Variants in CDKN2B-AS1 observed in about 807,000 individuals in gnomAD.
CDKN2B-AS1 encodes the protein CDKN2B antisense RNA 1 (non-protein coding).
intron 4 of CDKN2B-AS1, among the ~76,000 whole-genome samples, chr9:22,063,178 G>A (rs549439651): frequency 1.3e-5 from 2 of 152,188 alleles, no homozygotes; most frequent in Admixed American, 1.3e-4. Flanking sequence ...AGCTATAGGA[G>A]CAGATGAGGC....
At chr9:22,080,230 T>C (rs1045802923) in intron 4 of CDKN2B-AS1, among the ~76,000 whole-genome samples, 1 of 152,222 alleles carries the variant, frequency 6.6e-6, no homozygotes, top group Admixed American at 6.5e-5. Flanking sequence ...TGTTTGGTAA[T>C]GTTGCAAGAA....
In CDKN2B-AS1 at chr9:22,078,172, A is replaced by G. The variant is rs541004987; in HGVS notation, n.438+21785A>G. ...GTACTTACGATATGACTTGACTAGCATAAGATAGAATAGGGCAGTCATCTT... is the reference window on the plus strand; with the variant it reads ...GTACTTACGATATGACTTGACTAGCGTAAGATAGAATAGGGCAGTCATCTT... On this transcript the variant is annotated intron_variant and non_coding_transcript_variant, in intron 4 of 4. Transcript: ENST00000650946. Among the ~76,000 whole-genome samples the G allele has an allele frequency of 3.9e-5, 6 of 152,332 alleles. No individual in the cohort carries two copies. The South Asian group carries it at 1.0e-3, about 26-fold the overall frequency.
chr9:22,026,851 T>A (rs1822260934), intron 1 of CDKN2B-AS1, among the ~76,000 whole-genome samples: 1 of 152,152 alleles, frequency 6.6e-6, no homozygotes, highest in Admixed American at 6.5e-5. Context: ...TGGAGTGAGT[T>A]CACAAGGGGA....
intron 3 of CDKN2B-AS1, among the ~76,000 whole-genome samples, chr9:22,050,570 AC>A (rs1305882625): frequency 2.0e-5 from 3 of 152,190 alleles, no homozygotes; most frequent in Non-Finnish European, 4.4e-5. Context: ...CCACTTTCAA[AC>A]GGTGGGGATG....
At chr9:22,082,435 A>G (rs1463466435) in intron 4 of CDKN2B-AS1, among the ~76,000 whole-genome samples, 2 of 152,202 alleles carry the variant, frequency 1.3e-5, no homozygotes, top group African/African-American at 4.8e-5. Context: ...GCCCAGTGAC[A>G]TTAGGTAACT....
intron 4 of CDKN2B-AS1, among the ~76,000 whole-genome samples, chr9:22,083,569 C>A (rs755936855): frequency 6.6e-6 from 1 of 152,164 alleles, no homozygotes; most frequent in African/African-American, 2.4e-5. Flanking sequence ...GAATCAGAAT[C>A]TCTGGAATAC....
At chr9:22,083,046 G>T (rs975751392) in intron 4 of CDKN2B-AS1, among the ~76,000 whole-genome samples, 1 of 152,126 alleles carries the variant, frequency 6.6e-6, no homozygotes, top group Non-Finnish European at 1.5e-5. Context: ...GATTAGATTT[G>T]TGTCATAATA....
At chr9:22,034,135 A>G (rs1201794889) in intron 1 of CDKN2B-AS1, among the ~76,000 whole-genome samples, 4 of 152,190 alleles carry the variant, frequency 2.6e-5, no homozygotes, top group African/African-American at 9.6e-5. Context: ...ATGTGGTGGG[A>G]TAGATAAGAG....
intron 1 of CDKN2B-AS1, among the ~76,000 whole-genome samples, chr9:22,024,403 C>T (rs1822144846): frequency 6.6e-6 from 1 of 152,158 alleles, no homozygotes; most frequent in Non-Finnish European, 1.5e-5. Context: ...CTAGTGAAGG[C>T]AAGGCATTTT....
At position 22,005,980 on chromosome 9, in the gene CDKN2B-AS1, C is replaced by T. The variant is rs753532408; in HGVS notation, n.29+10819C>T. 3 of 1,600,996 alleles carry T rather than the reference C, an allele frequency of 1.9e-6. No individual in the cohort carries two copies. The highest frequency in any genetic ancestry group is 2.7e-5 in the African/African-American group (2 of 74,924). ...AAAGTCGTTGTGGGCGGCTGGGGAA[C>T]CTGGCGTCAGTCCCCCGTGGCTGTG... On this transcript the variant is annotated intron_variant and non_coding_transcript_variant, in intron 1 of 4. Coordinates refer to ENST00000650946, the Ensembl canonical transcript of CDKN2B-AS1. The surrounding 1 kb of genome is among the most constrained non-coding windows in gnomAD (Gnocchi z 4.9).
intron 1 of CDKN2B-AS1, among the ~76,000 whole-genome samples, chr9:22,036,706 GTGTAACTCCTC>G (rs1822702296): frequency 6.6e-6 from 1 of 152,046 alleles, no homozygotes; most frequent in Admixed American, 6.6e-5. Flanking sequence ...GTGTTTTCTT[GTGTAACTCCTC>G]TGCCTTCATG....
intron 4 of CDKN2B-AS1, among the ~76,000 whole-genome samples, chr9:22,122,855 C>A (rs112349592): frequency 0.012 from 1,781 of 152,020 alleles, 38 homozygotes; most frequent in African/African-American, 0.041. Flanking sequence ...GTTCTTTTTG[C>A]TTAGGATTGC....
intron 1 of CDKN2B-AS1, chr9:22,009,097 G>A: frequency 3.1e-6 from 4 of 1,281,148 alleles, no homozygotes; most frequent in Non-Finnish European, 4.4e-6. Context: ...CCCTCCCGTC[G>A]TCCTTCTGCG....
intron 1 of CDKN2B-AS1, among the ~76,000 whole-genome samples, chr9:22,011,318 G>A (rs1371353424): frequency 2.0e-5 from 3 of 152,184 alleles, no homozygotes; most frequent in Non-Finnish European, 4.4e-5. Flanking sequence ...TCTGTATAAA[G>A]AATATTATAT....
intron 4 of CDKN2B-AS1, among the ~76,000 whole-genome samples, chr9:22,101,665 A>AACACACACACACACACAC (rs748040681): frequency 2.4e-5 from 3 of 125,382 alleles, no homozygotes; most frequent in African/African-American, 8.4e-5. Flanking sequence ...AACCCTCTTC[A>AACACACACACACACACAC]ACACACACAC....
At chr9:22,103,131 A>ATTGTGTG (rs1825542005) in intron 4 of CDKN2B-AS1, among the ~76,000 whole-genome samples, 1 of 132,412 alleles carries the variant, frequency 7.6e-6, no homozygotes, top group Non-Finnish European at 1.6e-5. Context: ...TCTAGAACAG[A>ATTGTGTG]TGTGTGTGTG....
At chr9:22,073,154 C>T (rs1476880609) in intron 4 of CDKN2B-AS1, among the ~76,000 whole-genome samples, 1 of 151,880 alleles carries the variant, frequency 6.6e-6, no homozygotes, top group Non-Finnish European at 1.5e-5. Flanking sequence ...ATAAAGGGAC[C>T]TAGGAAACCA....
intron 1 of CDKN2B-AS1, among the ~76,000 whole-genome samples, chr9:22,017,922 C>G (rs1821846486): frequency 6.6e-6 from 1 of 151,538 alleles, no homozygotes; most frequent in African/African-American, 2.4e-5. Flanking sequence ...TATCCAGACT[C>G]TCTTCTGCTC....
At chr9:22,056,049 CTT>C (rs752585465) in intron 3 of CDKN2B-AS1, among the ~76,000 whole-genome samples, 4 of 138,328 alleles carry the variant, frequency 2.9e-5, no homozygotes, top group Non-Finnish European at 6.3e-5. Context: ...ATTTTTTTTT[CTT>C]TTTTTTTTTT....
Sources: gnomAD v4.1 joint callset for allele counts (sites outside exome capture counted in the v4.1 genomes callset) on GRCh38, gnomAD v4.1.1 for gene constraint, Gnocchi (gnomAD v3.1) non-coding constraint, MANE v1.5 for transcripts, NCBI Gene and HGNC (gene_info 2026-07-23, HGNC 2026-07-21) for gene names.